Variants in PRKAR1B observed in about 807,000 individuals in gnomAD.
PRKAR1B encodes the protein cAMP-dependent protein kinase type I-beta regulatory subunit.
PRKAR1B carries 22 observed loss-of-function variants against 46.5 expected under a neutral mutation model. The observed-to-expected ratio is 0.47, with a 90% CI of 0.34 to 0.68. PRKAR1B has a LOEUF of 0.68. Ranked by LOEUF, PRKAR1B falls within the 30% of genes least tolerant of loss-of-function variation. The pLI, the probability that PRKAR1B is intolerant of heterozygous loss-of-function variation, is 0.01. For synonymous variants in PRKAR1B, 259 were observed against 217.7 expected (o/e 1.19, Z -1.67); for missense variants, 445 against 535.6 (o/e 0.83, Z 1.67).
Position 596,165 on chromosome 7 carries a change from C to T in PRKAR1B, c.689G>A (p.Ser230Asn). The T allele has an allele frequency of 1.2e-6, 2 of 1,613,762 alleles. No homozygotes were observed. Among genetic ancestry groups the T allele is most frequent in the Non-Finnish European group, 1.7e-6 (2 of 1,179,812 alleles). The part of the protein sequence containing the change: ...DLKLWGIDRD[S>N]YRRILMGSTL... ...ACTCACCATAAGGATGCGCCGGTAGCTGTCCCGGTCGATCCCCCAGAGCTT... is the reference window on the plus strand; with the variant it reads ...ACTCACCATAAGGATGCGCCGGTAGTTGTCCCGGTCGATCCCCCAGAGCTT... The change falls in exon 7 of 11, where the codon AGC becomes AAC. Residue 230 changes from serine (S) to asparagine (N), a missense_variant. This residue lies in a region of PRKAR1B where 51 missense variants were observed against 85.1 expected (regional missense o/e 0.60). Coordinates refer to ENST00000537384, the MANE Select transcript of PRKAR1B (RefSeq NM_001164760.2).
chr7:620,363 ATC>A (rs1227681679), intron 4 of PRKAR1B, among the ~76,000 whole-genome samples: 2 of 152,050 alleles, frequency 1.3e-5, no homozygotes, highest in African/African-American at 4.8e-5. Flanking sequence ...GTCTTCTGTA[ATC>A]TGTTGTCAAG....
upstream of PRKAR1B, chr7:727,316 G>T: frequency 1.6e-6 from 2 of 1,280,538 alleles, no homozygotes; most frequent in Non-Finnish European, 2.0e-6. Flanking sequence ...GCCACGCCCG[G>T]TGAGCACCCC....
At chr7:630,020 A>G in intron 4 of PRKAR1B, among the ~76,000 whole-genome samples, 1 of 133,626 alleles carries the variant, frequency 7.5e-6, no homozygotes, top group South Asian at 2.4e-4. Context: ...CCAGGGCGCC[A>G]CCACCCCAGG....
chr7:571,877 G>T (rs556194229), intron 9 of PRKAR1B, among the ~76,000 whole-genome samples: 1 of 152,330 alleles, frequency 6.6e-6, no homozygotes, highest in African/African-American at 2.4e-5. Flanking sequence ...CCCCGCCTCC[G>T]GGAGCCCGCA....
chr7:692,375 G>C (rs1056342744), intron 2 of PRKAR1B, among the ~76,000 whole-genome samples: 3 of 152,146 alleles, frequency 2.0e-5, no homozygotes, highest in African/African-American at 7.2e-5. Flanking sequence ...ACTCCAGCCT[G>C]GGCAACAAGG....
rs1779193921 is a variant in PRKAR1B at position 566,702 on chromosome 7, A to ACCATC, written c.891+12553_891+12554insGATGG. On this transcript the variant is annotated intron_variant, in intron 9 of 10. Transcript: ENST00000537384. Reference sequence around the variant, plus strand: ...CATCACCATCATCACCATCACCTTCATCATCATCACCATCATCACCATCAT... The same window carrying ACCATC: ...CATCACCATCATCACCATCACCTTCACCATCTCATCATCACCATCATCACCATCAT... Among the ~76,000 whole-genome samples the ACCATC allele has an allele frequency of 1.9e-3, 4 of 2,084 alleles. 2 individuals are homozygous for ACCATC. The highest frequency in any genetic ancestry group is 6.0e-3 in the African/African-American group (2 of 334). The allele number at this position is 2,084 out of a possible 152,430, so 1.4% of individuals were successfully genotyped here. A position where few individuals can be genotyped will look rare whatever the true frequency, so the allele number is the denominator to read the frequency against.
intron 4 of PRKAR1B, among the ~76,000 whole-genome samples, chr7:625,862 G>A (rs1384146944): frequency 6.6e-6 from 1 of 152,060 alleles, no homozygotes. Flanking sequence ...CACAAAATTA[G>A]CTGGGCATGG....
chr7:584,580 A>T lies in PRKAR1B; in HGVS notation c.709-12T>A. ...CTCAGCGTGCTGCCCTGTTCGGGAGAAAGTAAAAAACAGACAAGAAGGTGA... is the reference window on the plus strand; with the variant it reads ...CTCAGCGTGCTGCCCTGTTCGGGAGTAAGTAAAAAACAGACAAGAAGGTGA... On this transcript the variant is annotated splice_polypyrimidine_tract_variant and intron_variant, in intron 7 of 10. Transcript: ENST00000537384. 1 of 1,610,884 alleles carries T rather than the reference A, an allele frequency of 6.2e-7. No individual in the cohort carries two copies. Among genetic ancestry groups the T allele is most frequent in the East Asian group, 2.2e-5 (1 of 44,848 alleles).
chr7:605,522 TTTAC>T (rs1781976026), intron 6 of PRKAR1B, among the ~76,000 whole-genome samples: 1 of 152,206 alleles, frequency 6.6e-6, no homozygotes, highest in Non-Finnish European at 1.5e-5. Context: ...TATGTGTTTA[TTTAC>T]TTAGTTTTAT....
chr7:564,040 C>T (rs1188895257), intron 9 of PRKAR1B, among the ~76,000 whole-genome samples: 1 of 152,100 alleles, frequency 6.6e-6, no homozygotes, highest in Non-Finnish European at 1.5e-5. Flanking sequence ...CCCCCTCTGC[C>T]CGCTCCCCAC....
Position 604,029 on chromosome 7 carries a change from C to T in PRKAR1B, c.549+2164G>A, listed in dbSNP as rs531616271. On this transcript the variant is annotated intron_variant, in intron 6 of 10. Coordinates refer to ENST00000537384, the MANE Select transcript of PRKAR1B (RefSeq NM_001164760.2). ...CGCAGAGGTGGCTCTGCCTTCAGCA[C>T]TGCTGACCACTGGGCAGGCCTGGGC... Among the ~76,000 whole-genome samples, 7 of 152,338 alleles carry T rather than the reference C, an allele frequency of 4.6e-5. No individual in the cohort carries two copies. In the South Asian group the frequency reaches 1.4e-3, roughly 32 times the overall value.
chr7:673,692 C>T (rs1786418722), intron 4 of PRKAR1B, among the ~76,000 whole-genome samples: 1 of 152,146 alleles, frequency 6.6e-6, no homozygotes, highest in African/African-American at 2.4e-5. Context: ...TATCTGACTC[C>T]TCCTGGTGAC....
At chr7:618,227 C>T (rs1231308997) in intron 4 of PRKAR1B, among the ~76,000 whole-genome samples, 5 of 152,232 alleles carry the variant, frequency 3.3e-5, no homozygotes, top group Non-Finnish European at 7.3e-5. Context: ...CAGCAAACCC[C>T]GCCGTTCCCG....
In PRKAR1B at chr7:714,637, C is replaced by T. The variant is rs189325943; in HGVS notation, c.-22-3110G>A. ...CTCCAGACTGGCTCTGGTAGGAGTG[C>T]GAGGCGTGGCCCCCACCGCCCCAAC... is the stretch of plus-strand genomic sequence containing the variant. On this transcript the variant is annotated intron_variant, in intron 1 of 10. Coordinates refer to ENST00000537384, the MANE Select transcript of PRKAR1B (RefSeq NM_001164760.2). The surrounding 1 kb of genome is among the most constrained non-coding windows in gnomAD (Gnocchi z 4.3). 9.9e-5 allele frequency among the ~76,000 whole-genome samples: 15 copies of T among 152,240 alleles called. No individual in the cohort carries two copies. Among genetic ancestry groups the T allele is most frequent in the Non-Finnish European group, 1.3e-4 (9 of 68,006 alleles).
chr7:587,560 T>C (rs1312582915), intron 7 of PRKAR1B, among the ~76,000 whole-genome samples: 1 of 152,248 alleles, frequency 6.6e-6, no homozygotes, highest in Non-Finnish European at 1.5e-5. Context: ...GCAAACTTAC[T>C]TGTGTCTCCC....
At chr7:614,594 C>T (rs906834336) in intron 4 of PRKAR1B, among the ~76,000 whole-genome samples, 9 of 152,066 alleles carry the variant, frequency 5.9e-5, no homozygotes, top group Non-Finnish European at 7.4e-5. Flanking sequence ...AACAAGACCC[C>T]ATTTCTATAA....
At position 644,162 on chromosome 7, in the gene PRKAR1B, C is replaced by T. The variant is rs957151944; in HGVS notation, c.440+33067G>A. On this transcript the variant is annotated intron_variant, in intron 4 of 10. Transcript: ENST00000537384. The surrounding 1 kb of genome is among the most constrained non-coding windows in gnomAD (Gnocchi z 4.9). ...GCACCCCCTCCTGTGCCCTCACCTACACAGGCAGGCAGCACAGGGCACCGA... is the reference window on the plus strand; with the variant it reads ...GCACCCCCTCCTGTGCCCTCACCTATACAGGCAGGCAGCACAGGGCACCGA... Among the ~76,000 whole-genome samples, 1 of 152,216 alleles carries T rather than the reference C, an allele frequency of 6.6e-6. No individual in the cohort carries two copies. Among genetic ancestry groups the T allele is most frequent in the Admixed American group, 6.5e-5 (1 of 15,290 alleles).
At chr7:583,674 A>ACT (rs769854939) in intron 8 of PRKAR1B, among the ~76,000 whole-genome samples, 47,666 of 137,134 alleles carry the variant, frequency 0.35, 8,716 homozygotes, top group Non-Finnish European at 0.4. Flanking sequence ...ACACCCACAC[A>ACT]CAACCCACAC....
chr7:719,654 C>T (rs1781004679), intron 1 of PRKAR1B, among the ~76,000 whole-genome samples: 1 of 152,088 alleles, frequency 6.6e-6, no homozygotes, highest in Non-Finnish European at 1.5e-5. Context: ...ATAGCTATTC[C>T]GTCTGGCAGT....
Sources: allele counts gnomAD v4.1 joint callset (sites outside exome capture counted in the v4.1 genomes callset), GRCh38; gene constraint gnomAD v4.1.1; regional missense constraint gnomAD v4.1.1; non-coding constraint Gnocchi (gnomAD v3.1); transcripts MANE v1.5; gene names NCBI Gene and HGNC (gene_info 2026-07-23, HGNC 2026-07-21).